The following CMIP variants were observed in gnomAD, a reference collection of about 807,000 sequenced individuals.
CMIP encodes the protein C-Maf-inducing protein.
Under a neutral mutation model 97.3 loss-of-function variants are expected in CMIP, and 13 were observed. The observed-to-expected ratio is 0.13, with a 90% CI of 0.09 to 0.21. The LOEUF is 0.21. CMIP is among the 10% of genes least tolerant of loss of function. The pLI is 1.00. For synonymous variants in CMIP, 538 were observed against 436.3 expected, an observed-to-expected ratio of 1.23 and a Z score of -2.91; for missense variants, 847 against 1,024.9, an observed-to-expected ratio of 0.83 and a Z score of 2.37.
At chr16:81,704,824 G>A (rs1025609413) in intron 18 of CMIP, among the ~76,000 whole-genome samples, 7 of 149,194 alleles carry the variant, frequency 4.7e-5, no homozygotes, top group African/African-American at 1.7e-4. Context: ...GAGGCTAGAG[G>A]AGGTTGAGGA....
At chr16:81,575,919 G>A (rs369453484) in intron 1 of CMIP, among the ~76,000 whole-genome samples, 1 of 152,124 alleles carries the variant, frequency 6.6e-6, no homozygotes, top group African/African-American at 2.4e-5. Context: ...TAGTAGACTG[G>A]CTAAACTGTA....
At chr16:81,598,507 G>A (rs901395457) in intron 1 of CMIP, among the ~76,000 whole-genome samples, 14 of 152,172 alleles carry the variant, frequency 9.2e-5, no homozygotes, top group East Asian at 5.8e-4. Context: ...ACTCATTTAG[G>A]CTACAAAGAA....
chr16:81,449,170 G>A lies in CMIP; in HGVS notation c.300+3629G>A, dbSNP rs542114943. 1.4e-4 allele frequency among the ~76,000 whole-genome samples: 22 copies of A among 152,308 alleles called. No homozygotes were observed. In the East Asian group the frequency reaches 4.0e-3, roughly 28 times the overall value. ...TTCATCTTACTTTTAAGAGAATGTG[G>A]CACACGGTATTTCAGAATGGTGGAT... On this transcript the variant is annotated intron_variant, in intron 1 of 20. Transcript: ENST00000537098.
rs962376217 is a variant in CMIP, at chr16:81,614,491, A to G, written c.427-6385A>G. Among the ~76,000 whole-genome samples, 1 of 152,170 alleles carries G rather than the reference A, an allele frequency of 6.6e-6. No homozygotes were observed. Among genetic ancestry groups the G allele is most frequent in the Non-Finnish European group, 1.5e-5 (1 of 68,022 alleles). On this transcript the variant is annotated intron_variant, in intron 2 of 20. Coordinates refer to ENST00000537098, the MANE Select transcript of CMIP (RefSeq NM_198390.3). The surrounding 1 kb of genome is among the most constrained non-coding windows in gnomAD (Gnocchi z 5.3). ...GGGAAGAGACCTGGAAATGACACAA[A>G]TGATGACCCCAGCAAGTCTGGGTGT...
chr16:81,653,388 G>T (rs1283152288), intron 4 of CMIP, among the ~76,000 whole-genome samples: 1 of 152,236 alleles, frequency 6.6e-6, no homozygotes, highest in Non-Finnish European at 1.5e-5. Flanking sequence ...AGTAGAGAAG[G>T]TCCCTCACTC....
intron 20 of CMIP, among the ~76,000 whole-genome samples, chr16:81,707,778 C>G (rs1232663238): frequency 1.3e-5 from 2 of 152,256 alleles, no homozygotes; most frequent in African/African-American, 4.8e-5. Flanking sequence ...TCCTCCTGGG[C>G]CTGTACCAGC....
intron 1 of CMIP, among the ~76,000 whole-genome samples, chr16:81,449,650 G>A (rs998959037): frequency 6.9e-6 from 1 of 144,192 alleles, no homozygotes; most frequent in African/African-American, 2.7e-5. Context: ...GTTTTTTTGT[G>A]GCAGTAAACA....
chr16:81,645,731 G>C (rs1193254864), intron 3 of CMIP: 9 of 1,044,806 alleles, frequency 8.6e-6, no homozygotes, highest in African/African-American at 1.6e-5. Flanking sequence ...GCTCGGATGT[G>C]GGGAGCCCTC....
chr16:81,568,738 G>C (rs902570794), intron 1 of CMIP, among the ~76,000 whole-genome samples: 29 of 152,348 alleles, frequency 1.9e-4, no homozygotes, highest in African/African-American at 6.3e-4. Context: ...AGGAGAGCTG[G>C]AGTTGGCTCC....
chr16:81,444,979 C>A lies in CMIP; in HGVS notation c.-263C>A, dbSNP rs1215072887. On this transcript the variant is annotated 5_prime_UTR_variant, in exon 1 of 21. Transcript: ENST00000537098. ...CCGCCCCTCCCCGTCGCCCGCCGAG[C>A]CCGGTCAGCCGCCGCGAGCATGCAC... Among the ~76,000 whole-genome samples, 1 of 141,218 alleles carries A rather than the reference C, an allele frequency of 7.1e-6. No homozygotes were observed. Among genetic ancestry groups the A allele is most frequent in the Non-Finnish European group, 1.6e-5 (1 of 63,974 alleles). 92.6% of individuals were successfully genotyped at this position (141,218 alleles called of 152,430 possible). A position where few individuals can be genotyped will look rare whatever the true frequency, so the allele number is the denominator to read the frequency against.
rs62043838 is a variant in CMIP at position 81,657,935 on chromosome 16, C to T, written c.681+119C>T. On this transcript the variant is annotated intron_variant, in intron 5 of 20. Transcript: ENST00000537098. ...AATCCACCAGCATCTGGCCTTGCTCCGTTTTGTCTTTTCTAGCAAGCCGGA... is the reference window on the plus strand; with the variant it reads ...AATCCACCAGCATCTGGCCTTGCTCTGTTTTGTCTTTTCTAGCAAGCCGGA... The T allele has an allele frequency of 3.3e-3, 2,694 of 811,792 alleles. 9 individuals are homozygous for T. Among genetic ancestry groups the T allele is most frequent in the Non-Finnish European group, 4.5e-3 (2,367 of 521,718 alleles). 50.3% of individuals were successfully genotyped at this position (811,792 alleles called of 1,614,324 possible). A position where few individuals can be genotyped will look rare whatever the true frequency, so the allele number is the denominator to read the frequency against.
chr16:81,603,906 G>C (rs28672084), intron 1 of CMIP, among the ~76,000 whole-genome samples: 24,825 of 152,124 alleles, frequency 0.16, 3,300 homozygotes, highest in African/African-American at 0.37. Context: ...TGGATCTCTG[G>C]TAATGCTCCC....
intron 3 of CMIP, among the ~76,000 whole-genome samples, chr16:81,637,114 A>C (rs898955253): frequency 1.8e-4 from 28 of 151,982 alleles, no homozygotes; most frequent in African/African-American, 6.8e-4. Flanking sequence ...CTTGTTGCCC[A>C]TGCTGGAGTG....
chr16:81,486,658 C>T (rs1376359335), intron 1 of CMIP, among the ~76,000 whole-genome samples: 1 of 152,194 alleles, frequency 6.6e-6, no homozygotes, highest in Non-Finnish European at 1.5e-5. Context: ...GCCCGGTCCC[C>T]AGAGAGAGCC....
At chr16:81,589,538 C>T (rs867251423) in intron 1 of CMIP, among the ~76,000 whole-genome samples, 7 of 150,732 alleles carry the variant, frequency 4.6e-5, no homozygotes, top group African/African-American at 9.8e-5. Flanking sequence ...GGCCAGGTCT[C>T]GCACCCCATG....
At chr16:81,544,286 G>A (rs979241647) in intron 1 of CMIP, among the ~76,000 whole-genome samples, 6 of 152,234 alleles carry the variant, frequency 3.9e-5, no homozygotes, top group Admixed American at 2.6e-4. Context: ...AAATGAGACC[G>A]AGGCTGGAGG....
intron 1 of CMIP, among the ~76,000 whole-genome samples, chr16:81,523,229 T>C (rs570526941): frequency 3.9e-5 from 6 of 152,238 alleles, no homozygotes; most frequent in Non-Finnish European, 7.3e-5. Flanking sequence ...TTTGTGTATG[T>C]TTTTAAAGTT....
At chr16:81,471,089 A>T (rs531980148) in intron 1 of CMIP, among the ~76,000 whole-genome samples, 1 of 152,380 alleles carries the variant, frequency 6.6e-6, no homozygotes, top group South Asian at 2.1e-4. Context: ...ATGCACACAC[A>T]CGTACACATA....
intron 1 of CMIP, among the ~76,000 whole-genome samples, chr16:81,505,608 C>T (rs1014998287): frequency 7.2e-5 from 11 of 152,184 alleles, no homozygotes; most frequent in Non-Finnish European, 1.3e-4. Context: ...TGTCAGGGAG[C>T]TCTGCACAGA....
Sources: allele counts gnomAD v4.1 joint callset (sites outside exome capture counted in the v4.1 genomes callset), GRCh38; gene constraint gnomAD v4.1.1; non-coding constraint Gnocchi (gnomAD v3.1); transcripts MANE v1.5; gene names NCBI Gene and HGNC (gene_info 2026-07-23, HGNC 2026-07-21).